The following FOXP2 variants were observed in gnomAD, a reference collection of about 807,000 sequenced individuals.
The protein encoded by FOXP2 is forkhead box P2.
In FOXP2, 12 loss-of-function variants were observed where a neutral mutation model predicts 115.8. The observed-to-expected ratio is 0.10, with a 90% CI of 0.07 to 0.17. FOXP2 has a LOEUF of 0.17. Among genes scored for constraint, FOXP2 ranks in the 10% least tolerant of loss-of-function variants. FOXP2 has a pLI of 1.00. For missense variants in FOXP2, 629 were observed against 843.5 expected, an observed-to-expected ratio of 0.75 and a Z score of 3.15; for synonymous variants, 328 against 297.7, an observed-to-expected ratio of 1.10 and a Z score of -1.05.
At chr7:114,492,737 A>T (rs1458103288) in intron 2 of FOXP2, among the ~76,000 whole-genome samples, 1 of 152,146 alleles carries the variant, frequency 6.6e-6, no homozygotes, top group African/African-American at 2.4e-5. Context: ...TGAGTTTCTT[A>T]ATACTGAGTT....
intron 2 of FOXP2, among the ~76,000 whole-genome samples, chr7:114,458,897 C>T (rs920793623): frequency 6.6e-6 from 1 of 151,994 alleles, no homozygotes; most frequent in Admixed American, 6.5e-5. Context: ...TTCTGTGGAC[C>T]GAGGGAGGTG....
chr7:114,654,987 G>A (rs1806492161), intron 10 of FOXP2, among the ~76,000 whole-genome samples: 2 of 152,148 alleles, frequency 1.3e-5, no homozygotes, highest in East Asian at 1.9e-4. Flanking sequence ...ACTCTGCTAA[G>A]CTATTTCTGC....
At chr7:114,240,310 A>C (rs1402105886) in intron 1 of FOXP2, among the ~76,000 whole-genome samples, 1 of 152,016 alleles carries the variant, frequency 6.6e-6, no homozygotes, top group African/African-American at 2.4e-5. Flanking sequence ...AGAGTACATG[A>C]ATTTTCCTTA....
At chr7:114,304,540 C>A (rs539302938) in intron 2 of FOXP2, among the ~76,000 whole-genome samples, 1 of 151,416 alleles carries the variant, frequency 6.6e-6, no homozygotes, top group Non-Finnish European at 1.5e-5. Flanking sequence ...AGTGGTGGTG[C>A]GTGCCTGTAG....
chr7:114,522,554 A>G (rs1798675688), intron 2 of FOXP2, among the ~76,000 whole-genome samples: 1 of 152,188 alleles, frequency 6.6e-6, no homozygotes, highest in Admixed American at 6.6e-5. Context: ...CATATTGTAG[A>G]TAATTCAATA....
At chr7:114,139,332 C>T (rs1792137955) in intron 1 of FOXP2, among the ~76,000 whole-genome samples, 1 of 152,026 alleles carries the variant, frequency 6.6e-6, no homozygotes, top group Non-Finnish European at 1.5e-5. Flanking sequence ...TAGTTGTTTT[C>T]GGGGAGGTTG....
intron 1 of FOXP2, among the ~76,000 whole-genome samples, chr7:114,127,981 A>C (rs549865541): frequency 1.3e-5 from 2 of 152,340 alleles, no homozygotes; most frequent in African/African-American, 4.8e-5. Flanking sequence ...AATAGTAATG[A>C]TATAAATTTT....
At chr7:114,522,383 A>G (rs1297017838) in intron 2 of FOXP2, among the ~76,000 whole-genome samples, 2 of 152,090 alleles carry the variant, frequency 1.3e-5, no homozygotes, top group Admixed American at 1.3e-4. Context: ...TGGGATATTC[A>G]CCTTTAAGAA....
rs184278909 is a variant in FOXP2, at chr7:114,384,007, G to T, written c.-10-42495G>T. 3.9e-3 allele frequency among the ~76,000 whole-genome samples: 586 copies of T among 152,150 alleles called. 4 individuals carry two copies. The highest frequency in any genetic ancestry group is 5.6e-3 in the Non-Finnish European group (380 of 68,008). ...ACAAAGAAAGGGGTCCGGGCTGCTG[G>T]ATTCTAGTGGTCCTTTACCAGTGTG... On this transcript the variant is annotated intron_variant, in intron 2 of 17. Transcript: ENST00000634411.
At chr7:114,162,489 C>T (rs910928862), upstream of FOXP2, among the ~76,000 whole-genome samples, 2 of 151,700 alleles carry the variant, frequency 1.3e-5, no homozygotes, top group Non-Finnish European at 2.9e-5. Flanking sequence ...TTTTATTATT[C>T]CATTAAAATT....
intron 7 of FOXP2, 148 bp downstream of exon 7, chr7:114,642,771 T>G (rs1294158965): frequency 3.1e-5 from 7 of 227,380 alleles, no homozygotes; most frequent in Admixed American, 1.1e-4. Context: ...TTATCTTATT[T>G]TATATATAAT....
At chr7:114,470,620 T>G (rs949775082) in intron 2 of FOXP2, among the ~76,000 whole-genome samples, 3 of 152,170 alleles carry the variant, frequency 2.0e-5, no homozygotes, top group African/African-American at 7.2e-5. Flanking sequence ...GAATGAATTT[T>G]TCAGACTACT....
chr7:114,514,639 T>C (rs941721042), intron 2 of FOXP2, among the ~76,000 whole-genome samples: 4 of 151,952 alleles, frequency 2.6e-5, no homozygotes, highest in African/African-American at 7.2e-5. Flanking sequence ...CTATTGTAAA[T>C]AATGCTGCAA....
intron 1 of FOXP2, among the ~76,000 whole-genome samples, chr7:114,202,550 G>T (rs950168595): frequency 6.6e-6 from 1 of 152,040 alleles, no homozygotes; most frequent in African/African-American, 2.4e-5. Flanking sequence ...AGCTCTTTAG[G>T]CCTTAGCATG....
At chr7:114,150,407 T>A (rs997715440) in intron 1 of FOXP2, among the ~76,000 whole-genome samples, 1 of 152,062 alleles carries the variant, frequency 6.6e-6, no homozygotes, top group African/African-American at 2.4e-5. Flanking sequence ...TTGGTATGTT[T>A]CTAGAAATAG....
At chr7:114,453,638 T>A (rs1009595072) in intron 2 of FOXP2, among the ~76,000 whole-genome samples, 3 of 152,244 alleles carry the variant, frequency 2.0e-5, no homozygotes, top group Admixed American at 6.5e-5. Context: ...AACTAGTAAG[T>A]CTCTTGTCCT....
intron 2 of FOXP2, among the ~76,000 whole-genome samples, chr7:114,393,981 A>AGT (rs1168823399): frequency 2.0e-4 from 28 of 141,180 alleles, no homozygotes; most frequent in African/African-American, 7.6e-4. Flanking sequence ...TGTGTGTGAG[A>AGT]GTGTGTGTGT....
intron 1 of FOXP2, among the ~76,000 whole-genome samples, chr7:114,277,952 G>A (rs531571319): frequency 5.6e-4 from 83 of 149,316 alleles, no homozygotes; most frequent in African/African-American, 1.9e-3. Context: ...CACTTGAACA[G>A]GTGGGTGGAG....
intron 14 of FOXP2, 122 bp from the exon 15 acceptor site, chr7:114,663,328 T>C: frequency 1.4e-6 from 1 of 698,106 alleles, no homozygotes; most frequent in Non-Finnish European, 2.5e-6. Context: ...TGTGGCCTTA[T>C]ATACATCCAG....
Sources: gnomAD v4.1 joint callset for allele counts (sites outside exome capture counted in the v4.1 genomes callset) on GRCh38, gnomAD v4.1.1 for gene constraint, MANE v1.5 for transcripts, NCBI Gene and HGNC (gene_info 2026-07-23, HGNC 2026-07-21) for gene names.